AKR1C3: variants seen among roughly 807,000 people sequenced by gnomAD.
AKR1C3 encodes the protein 3-alpha hydroxysteroid dehydrogenase, type II.
Under a neutral mutation model 43.6 loss-of-function variants are expected in AKR1C3, and 48 were observed. The observed-to-expected ratio is 1.10, with a 90% CI of 0.87 to 1.40. The LOEUF is 1.40. AKR1C3 is among the 40% of genes most tolerant of loss of function. The pLI is 0.00. For synonymous variants in AKR1C3, 162 were observed against 139.6 expected, an observed-to-expected ratio of 1.16 and a Z score of -1.13; for missense variants, 482 against 391.2, an observed-to-expected ratio of 1.23 and a Z score of -1.96.
intron 3 of AKR1C3, chr10:5,097,992 T>C: frequency 9.8e-7 from 1 of 1,019,152 alleles, no homozygotes; most frequent in South Asian, 4.0e-5. Flanking sequence ...GTTCTTAAAT[T>C]AGAAACCCTT....
chr10:5,082,989 C>A lies in AKR1C3; in HGVS notation c.85-13421C>A, dbSNP rs149587655. 3.3e-3 allele frequency among the ~76,000 whole-genome samples: 506 copies of A among 152,184 alleles called. 6 individuals are homozygous for A. Among genetic ancestry groups the A allele is most frequent in the Non-Finnish European group, 3.2e-3 (215 of 68,010 alleles). On this transcript the variant is annotated intron_variant, in intron 1 of 8. Transcript: ENST00000439082. ...TAATTACAGAGTATTTTTCATTACT[C>A]ATTATGGGTCTGCTCTGGATTTCTA... is the stretch of plus-strand genomic sequence containing the variant.
chr10:5,067,289 A>G (rs1475712323), intron 1 of AKR1C3, among the ~76,000 whole-genome samples: 1 of 152,190 alleles, frequency 6.6e-6, no homozygotes, highest in Non-Finnish European at 1.5e-5. Context: ...TGACAGTAGA[A>G]GTGTTAATCT....
chr10:5,074,208 G>A (rs1428887122), intron 1 of AKR1C3, among the ~76,000 whole-genome samples: 8 of 152,144 alleles, frequency 5.3e-5, no homozygotes, highest in African/African-American at 1.9e-4. Flanking sequence ...ATGATACCAA[G>A]CTGTGCCCCG....
chr10:5,084,211 G>T (rs1838906647), intron 1 of AKR1C3, among the ~76,000 whole-genome samples: 1 of 152,028 alleles, frequency 6.6e-6, no homozygotes, highest in East Asian at 1.9e-4. Context: ...ATGGCTTTAG[G>T]TCTACATGTA....
intron 1 of AKR1C3, among the ~76,000 whole-genome samples, chr10:5,056,730 C>G (rs552430125): frequency 2.0e-4 from 31 of 152,238 alleles, no homozygotes; most frequent in Non-Finnish European, 4.3e-4. Context: ...AACTTGTTTC[C>G]CATATTCATG....
chr10:5,071,658 G>A (rs1003379534), intron 1 of AKR1C3, among the ~76,000 whole-genome samples: 15 of 152,170 alleles, frequency 9.9e-5, no homozygotes, highest in African/African-American at 2.7e-4. Flanking sequence ...CCCTGTTAAA[G>A]AGCCAGCCTG....
At chr10:5,078,944 T>A (rs1308726574) in intron 1 of AKR1C3, among the ~76,000 whole-genome samples, 13 of 152,134 alleles carry the variant, frequency 8.5e-5, no homozygotes, top group Admixed American at 8.5e-4. Context: ...GCATTAACAC[T>A]CACTAGACGT....
intron 1 of AKR1C3, among the ~76,000 whole-genome samples, chr10:5,071,850 C>T (rs1341556585): frequency 5.3e-5 from 8 of 152,194 alleles, no homozygotes; most frequent in Admixed American, 5.2e-4. Flanking sequence ...TTCCGCTTGG[C>T]TGATTCCACT....
rs782781649 is a variant in AKR1C3 at position 5,099,468 on chromosome 10, C to G, written c.570+19C>G. 4 of 1,614,046 alleles carry G rather than the reference C, an allele frequency of 2.5e-6. No homozygotes were observed. Among genetic ancestry groups the G allele is most frequent in the Middle Eastern group, 1.6e-4 (1 of 6,062 alleles). On this transcript the variant is annotated intron_variant, in intron 5 of 8. Transcript: ENST00000380554. ...CAACCAGGTGAGCTCCCTTGGCCTT[C>G]TCTCCTTTCGGTTCTTCATGCCCCC... is the stretch of plus-strand genomic sequence containing the variant.
intron 1 of AKR1C3, among the ~76,000 whole-genome samples, chr10:5,095,324 A>C (rs782445057): frequency 1.3e-5 from 2 of 152,112 alleles, no homozygotes; most frequent in African/African-American, 4.8e-5. Context: ...AGTTGTGATG[A>C]TCTACAAGGA....
At chr10:5,068,909 A>G (rs577083341) in intron 1 of AKR1C3, among the ~76,000 whole-genome samples, 45 of 152,378 alleles carry the variant, frequency 3.0e-4, no homozygotes, top group Non-Finnish European at 4.4e-5. Context: ...TTATGACCTT[A>G]AAGCATTTAG....
chr10:5,099,914 C>CT (rs2131843841), intron 5 of AKR1C3: 1 of 157,400 alleles, frequency 6.4e-6, no homozygotes, highest in South Asian at 1.9e-4. Flanking sequence ...CTGAATGCCT[C>CT]TTCTTGATGT....
At chr10:5,095,318 G>A (rs1213663886) in intron 1 of AKR1C3, among the ~76,000 whole-genome samples, 1 of 152,016 alleles carries the variant, frequency 6.6e-6, no homozygotes, top group Non-Finnish European at 1.5e-5. Flanking sequence ...TCGATAAGTT[G>A]TGATGATCTA....
At chr10:5,075,911 G>A (rs1390917177) in intron 1 of AKR1C3, among the ~76,000 whole-genome samples, 1 of 151,768 alleles carries the variant, frequency 6.6e-6, no homozygotes, top group African/African-American at 2.4e-5. Context: ...GAGTCACGGG[G>A]GCTCGGATGT....
intron 1 of AKR1C3, among the ~76,000 whole-genome samples, chr10:5,066,900 G>A (rs2105451): frequency 0.52 from 79,455 of 152,002 alleles, 21,193 homozygotes; most frequent in East Asian, 0.79. Flanking sequence ...TATAATGGGG[G>A]TACATTTCTA....
At chr10:5,092,806 T>G (rs35613411), upstream of AKR1C3, among the ~76,000 whole-genome samples, 4 of 152,106 alleles carry the variant, frequency 2.6e-5, no homozygotes, top group African/African-American at 9.6e-5. Flanking sequence ...TCTTCAAAAA[T>G]AATTTCTGTC....
chr10:5,065,997 A>G (rs977219003), intron 1 of AKR1C3, among the ~76,000 whole-genome samples: 1 of 152,102 alleles, frequency 6.6e-6, no homozygotes, highest in Non-Finnish European at 1.5e-5. Context: ...TATCTCCTTG[A>G]TGGCCAGGGG....
At chr10:5,084,628 C>T (rs1292245013) in intron 1 of AKR1C3, among the ~76,000 whole-genome samples, 1 of 152,038 alleles carries the variant, frequency 6.6e-6, no homozygotes, top group African/African-American at 2.4e-5. Context: ...TAATTGGTAG[C>T]TTGATGGGGA....
chr10:5,105,700 T>C (rs1554787092), intron 8 of AKR1C3, 23 bp downstream of exon 8: 1 of 1,570,784 alleles, frequency 6.4e-7, no homozygotes. Flanking sequence ...TGTAAATGGG[T>C]GATCTAATTT....
Sources: allele counts gnomAD v4.1 joint callset (sites outside exome capture counted in the v4.1 genomes callset), GRCh38; gene constraint gnomAD v4.1.1; transcripts MANE v1.5; gene names NCBI Gene and HGNC (gene_info 2026-07-23, HGNC 2026-07-21).